LRRTM4: variants seen among roughly 807,000 people sequenced by gnomAD.
LRRTM4 encodes the protein leucine rich repeat transmembrane neuronal 4, also known as leucine-rich repeat transmembrane neuronal protein 4.
In LRRTM4, 25 loss-of-function variants were observed where a neutral mutation model predicts 47.6. That is an observed-to-expected ratio of 0.53 (90% CI 0.38 to 0.73). The LOEUF (loss-of-function observed/expected upper bound fraction) is 0.73. Among genes scored for constraint, LRRTM4 ranks in the 30% least tolerant of loss-of-function variants. The pLI is 0.00. For synonymous variants in LRRTM4, 311 were observed against 269.5 expected, an observed-to-expected ratio of 1.15 and a Z score of -1.51; for missense variants, 638 against 713.4, an observed-to-expected ratio of 0.89 and a Z score of 1.20.
intron 3 of LRRTM4, among the ~76,000 whole-genome samples, chr2:77,064,292 T>G (rs1679883700): frequency 6.6e-6 from 1 of 152,168 alleles, no homozygotes; most frequent in Non-Finnish European, 1.5e-5. Flanking sequence ...ACAGTATGAT[T>G]ATATATCATT....
chr2:77,350,149 C>T (rs1469607503), intron 3 of LRRTM4, among the ~76,000 whole-genome samples: 5 of 149,172 alleles, frequency 3.4e-5, no homozygotes, highest in Admixed American at 2.7e-4. Context: ...GGTGAAACCC[C>T]GTCTCTACTA....
intron 3 of LRRTM4, among the ~76,000 whole-genome samples, chr2:77,507,732 G>A (rs1168459794): frequency 6.6e-6 from 1 of 151,962 alleles, no homozygotes; most frequent in African/African-American, 2.4e-5. Flanking sequence ...TGGTCTCTGT[G>A]GTTCAGAAGT....
At chr2:77,338,483 G>GA (rs1671245554) in intron 3 of LRRTM4, among the ~76,000 whole-genome samples, 1 of 151,754 alleles carries the variant, frequency 6.6e-6, no homozygotes, top group Admixed American at 6.6e-5. Context: ...CAAACATTAT[G>GA]AAAAAAATTC....
chr2:77,190,464 T>G (rs867775086), intron 3 of LRRTM4, among the ~76,000 whole-genome samples: 1 of 151,606 alleles, frequency 6.6e-6, no homozygotes, highest in African/African-American at 2.4e-5. Context: ...CCAGCTAAAT[T>G]TTTTTTTGTA....
intron 3 of LRRTM4, among the ~76,000 whole-genome samples, chr2:77,135,516 G>T (rs560518633): frequency 6.6e-6 from 1 of 152,152 alleles, no homozygotes; most frequent in African/African-American, 2.4e-5. Context: ...CAGTGACAGT[G>T]CTATGTATAC....
chr2:77,186,576 AAAT>A (rs1465727495), intron 3 of LRRTM4, among the ~76,000 whole-genome samples: 7 of 152,214 alleles, frequency 4.6e-5, no homozygotes, highest in African/African-American at 1.7e-4. Context: ...ATAAAAAATA[AAAT>A]AATGAGATTG....
chr2:77,496,889 A>G (rs978714458), intron 3 of LRRTM4, among the ~76,000 whole-genome samples: 1 of 151,610 alleles, frequency 6.6e-6, no homozygotes, highest in African/African-American at 2.4e-5. Flanking sequence ...TCTTTATTCA[A>G]TGTTTGGTAG....
chr2:76,965,814 G>T (rs1311884871), intron 3 of LRRTM4, among the ~76,000 whole-genome samples: 1 of 151,312 alleles, frequency 6.6e-6, no homozygotes, highest in Non-Finnish European at 1.5e-5. Context: ...AGTTATATGT[G>T]CTCATTTAGG....
At chr2:76,757,401 A>C (rs1029830252) in intron 3 of LRRTM4, among the ~76,000 whole-genome samples, 1 of 152,094 alleles carries the variant, frequency 6.6e-6, no homozygotes, top group Non-Finnish European at 1.5e-5. Flanking sequence ...TTTGTTGTCT[A>C]TGAGGTGCCC....
intron 3 of LRRTM4, among the ~76,000 whole-genome samples, chr2:77,042,321 A>G (rs1235992492): frequency 6.6e-6 from 1 of 151,758 alleles, no homozygotes; most frequent in Non-Finnish European, 1.5e-5. Context: ...ATGATAAAAT[A>G]TTAACACTGC....
intron 3 of LRRTM4, among the ~76,000 whole-genome samples, chr2:76,860,876 A>T (rs182652324): frequency 2.7e-3 from 405 of 151,516 alleles, no homozygotes; most frequent in African/African-American, 9.5e-3. Flanking sequence ...GATTTGTAAA[A>T]ATATATTGTA....
rs191506034 is a variant in LRRTM4 at position 76,899,056 on chromosome 2, C to T, written c.1552-150140G>A. ...CAAAGCGTGTTGTAAAATTGGTAAG[C>T]TACACAGTTGAAGAAATATGAGACT... On this transcript the variant is annotated intron_variant, in intron 3 of 3. Coordinates refer to ENST00000409884, the MANE Select transcript of LRRTM4 (RefSeq NM_001134745.3). 8.2e-4 allele frequency among the ~76,000 whole-genome samples: 125 copies of T among 151,930 alleles called. No homozygotes were observed. In the East Asian group the frequency reaches 0.021, roughly 25 times the overall value.
At chr2:77,232,922 TTAAATA>T (rs1394210966) in intron 3 of LRRTM4, among the ~76,000 whole-genome samples, 2 of 152,190 alleles carry the variant, frequency 1.3e-5, no homozygotes, top group African/African-American at 4.8e-5. Context: ...GATGAATTTG[TTAAATA>T]TAATTACTTG....
At chr2:77,309,031 A>G (rs959940206) in intron 3 of LRRTM4, among the ~76,000 whole-genome samples, 4 of 152,192 alleles carry the variant, frequency 2.6e-5, no homozygotes, top group African/African-American at 9.7e-5. Flanking sequence ...AGAAATGTAA[A>G]TAAAAGGAAG....
intron 3 of LRRTM4, among the ~76,000 whole-genome samples, chr2:77,241,205 TACACACACAC>T (rs10555648): frequency 2.6e-3 from 310 of 119,816 alleles, no homozygotes; most frequent in African/African-American, 7.7e-3. Flanking sequence ...GAATTGGAAA[TACACACACAC>T]ACACACACAC....
At chr2:77,487,688 C>T (rs1209010011) in intron 3 of LRRTM4, among the ~76,000 whole-genome samples, 2 of 152,166 alleles carry the variant, frequency 1.3e-5, no homozygotes, top group Non-Finnish European at 2.9e-5. Context: ...ACCTTCAGGC[C>T]ACCAAAGGCC....
intron 3 of LRRTM4, among the ~76,000 whole-genome samples, chr2:76,991,352 A>G (rs552154176): frequency 6.6e-5 from 10 of 151,774 alleles, no homozygotes; most frequent in Admixed American, 5.9e-4. Flanking sequence ...TCACAAAACC[A>G]AAATTTATTG....
chr2:76,967,404 A>G (rs558034022), intron 3 of LRRTM4, among the ~76,000 whole-genome samples: 1 of 151,650 alleles, frequency 6.6e-6, no homozygotes, highest in South Asian at 2.1e-4. Context: ...ATTGGAGTAG[A>G]TCTTTCTGTG....
chr2:77,336,074 A>G (rs1671153752), intron 3 of LRRTM4, among the ~76,000 whole-genome samples: 1 of 151,484 alleles, frequency 6.6e-6, no homozygotes, highest in Non-Finnish European at 1.5e-5. Flanking sequence ...TTATTCTTGC[A>G]TGAAATTATT....
Sources: allele counts gnomAD v4.1 joint callset (sites outside exome capture counted in the v4.1 genomes callset), GRCh38; gene constraint gnomAD v4.1.1; transcripts MANE v1.5; gene names NCBI Gene and HGNC (gene_info 2026-07-23, HGNC 2026-07-21).